The following TIAM1 variants were observed in gnomAD, a reference collection of about 807,000 sequenced individuals.
The protein encoded by TIAM1 is rho guanine nucleotide exchange factor TIAM1.
A neutral mutation model predicts 163.5 loss-of-function variants in TIAM1; 65 were observed. The ratio of observed to expected loss-of-function variants is 0.40; its 90% confidence interval spans 0.33 to 0.49. The LOEUF (loss-of-function observed/expected upper bound fraction) is 0.49. Ranked by LOEUF, TIAM1 falls within the 20% of genes least tolerant of loss-of-function variation. TIAM1 has a pLI of 0.77. For synonymous variants in TIAM1, 833 were observed against 810.1 expected (o/e 1.03, Z -0.48); for missense variants, 1,789 against 2,044.7 (o/e 0.87, Z 2.41).
chr21:31,148,413 T>C (rs1009523538), intron 19 of TIAM1, among the ~76,000 whole-genome samples: 5 of 152,188 alleles, frequency 3.3e-5, no homozygotes, highest in Admixed American at 2.0e-4. Flanking sequence ...CCATGTAAGA[T>C]GTGACTTTGC....
chr21:31,170,543 G>A (rs2084452247), intron 15 of TIAM1, among the ~76,000 whole-genome samples: 1 of 152,122 alleles, frequency 6.6e-6, no homozygotes, highest in African/African-American at 2.4e-5. Context: ...AGAAAAACAA[G>A]ATTAGGGTAC....
intron 2 of TIAM1, among the ~76,000 whole-genome samples, chr21:31,296,249 T>C (rs895660966): frequency 2.0e-5 from 3 of 152,190 alleles, no homozygotes; most frequent in Non-Finnish European, 2.9e-5. Context: ...TATTTGGATA[T>C]ACTTTTACCC....
At chr21:31,294,355 C>T (rs768179108) in intron 2 of TIAM1, among the ~76,000 whole-genome samples, 22 of 152,200 alleles carry the variant, frequency 1.4e-4, no homozygotes, top group Non-Finnish European at 2.8e-4. Context: ...TCTGAAAATA[C>T]CCATCTAGAG....
At chr21:31,155,670 AT>A (rs965685948) in intron 16 of TIAM1, among the ~76,000 whole-genome samples, 9 of 151,610 alleles carry the variant, frequency 5.9e-5, no homozygotes, top group African/African-American at 2.2e-4. Flanking sequence ...ACGCCCGGCT[AT>A]TTTTTTGTAT....
At chr21:31,548,974 A>G (rs928913827) in intron 1 of TIAM1, among the ~76,000 whole-genome samples, 5 of 152,160 alleles carry the variant, frequency 3.3e-5, no homozygotes, top group African/African-American at 1.2e-4. Flanking sequence ...CCCAGTTGAG[A>G]GCCTCTGTAT....
At chr21:31,256,654 T>C (rs1394303442) in intron 4 of TIAM1, among the ~76,000 whole-genome samples, 2 of 129,312 alleles carry the variant, frequency 1.5e-5, no homozygotes, top group Non-Finnish European at 3.3e-5. Flanking sequence ...CTCTCAGTAT[T>C]ATCTCCTTGG....
chr21:31,198,472 C>G (rs1200202875), intron 12 of TIAM1, among the ~76,000 whole-genome samples: 4 of 152,262 alleles, frequency 2.6e-5, no homozygotes, highest in African/African-American at 9.6e-5. Flanking sequence ...CATACTGATA[C>G]ATTTACAAAT....
intron 12 of TIAM1, among the ~76,000 whole-genome samples, chr21:31,196,055 G>A (rs928069538): frequency 1.3e-5 from 2 of 151,964 alleles, no homozygotes; most frequent in Non-Finnish European, 2.9e-5. Flanking sequence ...AAACTATAAG[G>A]AACTTAAATC....
intron 5 of TIAM1, among the ~76,000 whole-genome samples, chr21:31,245,934 T>C (rs1422862591): frequency 6.6e-6 from 1 of 152,158 alleles, no homozygotes; most frequent in Non-Finnish European, 1.5e-5. Context: ...TTAGAATGAT[T>C]CATTACAGGT....
chr21:31,398,834 C>G (rs1243045001), intron 2 of TIAM1, among the ~76,000 whole-genome samples: 1 of 152,176 alleles, frequency 6.6e-6, no homozygotes, highest in Non-Finnish European at 1.5e-5. Flanking sequence ...GAAATGTAAA[C>G]GTCAGCATCT....
intron 9 of TIAM1, among the ~76,000 whole-genome samples, chr21:31,215,201 A>T (rs549435284): frequency 8.5e-5 from 13 of 152,116 alleles, no homozygotes; most frequent in Non-Finnish European, 1.9e-4. Flanking sequence ...GTTTTGTTAG[A>T]AAACAAGTCC....
At chr21:31,329,302 G>C (rs571323485) in intron 2 of TIAM1, among the ~76,000 whole-genome samples, 3 of 152,360 alleles carry the variant, frequency 2.0e-5, no homozygotes, top group Admixed American at 6.5e-5. Flanking sequence ...TGAACACACA[G>C]ATGCTGACTT....
chr21:31,362,478 T>TATTATTATTATA (rs944079739), intron 2 of TIAM1, among the ~76,000 whole-genome samples: 5 of 142,780 alleles, frequency 3.5e-5, no homozygotes, highest in Admixed American at 2.1e-4. Flanking sequence ...TTATTATTAT[T>TATTATTATTATA]ATATTTGAGA....
chr21:31,311,212 T>C (rs1391843931), intron 2 of TIAM1, among the ~76,000 whole-genome samples: 2 of 151,916 alleles, frequency 1.3e-5, no homozygotes, highest in Non-Finnish European at 2.9e-5. Context: ...TTGTCAAAAT[T>C]GCTAACTCAA....
intron 1 of TIAM1, among the ~76,000 whole-genome samples, chr21:31,547,262 G>T (rs758781035): frequency 5.9e-5 from 9 of 152,146 alleles, no homozygotes; most frequent in Non-Finnish European, 1.3e-4. Flanking sequence ...ATGCTAACCG[G>T]CAACTTTTAG....
chr21:31,378,705 C>T lies in TIAM1; in HGVS notation c.-368-39283G>A, dbSNP rs182049379. ...CAATTTGGCCAAGAGAGTTGGTCTT[C>T]GGTATCCGTAGGTTCTGCACCCCTG... On this transcript the variant is annotated intron_variant, in intron 2 of 28. Transcript: ENST00000286827. 7.1e-4 allele frequency among the ~76,000 whole-genome samples: 108 copies of T among 152,236 alleles called. No individual in the cohort carries two copies. In the East Asian group the frequency reaches 0.019, roughly 26 times the overall value.
In TIAM1 at chr21:31,118,587, C is replaced by T; in HGVS notation, c.*1781G>A. The stretch of plus-strand genomic sequence containing the variant: ...AGACAATGGCACCCTCTCCAAGCAC[C>T]AGACTTCCGAGTGTTTTCAGATGGA... On this transcript the variant is annotated 3_prime_UTR_variant, in exon 28 of 28. Transcript: ENST00000541036. 2.1e-6 allele frequency: 1 copy of T among 471,696 alleles called. No homozygotes were observed. The highest frequency in any genetic ancestry group is 4.4e-6 in the Non-Finnish European group (1 of 227,194). The allele number at this position is 471,696 out of a possible 1,614,324, so 29.2% of individuals were successfully genotyped here.
At chr21:31,473,030 G>A (rs1229937587) in intron 1 of TIAM1, among the ~76,000 whole-genome samples, 1 of 152,180 alleles carries the variant, frequency 6.6e-6, no homozygotes, top group Admixed American at 6.5e-5. Flanking sequence ...TGCACGGTCT[G>A]GAGCTGGCAA....
intron 4 of TIAM1, among the ~76,000 whole-genome samples, chr21:31,264,801 G>A (rs900239132): frequency 6.6e-6 from 1 of 152,200 alleles, no homozygotes; most frequent in Non-Finnish European, 1.5e-5. Context: ...TGGGCAATCA[G>A]AGTGCTGACT....
Sources: gnomAD v4.1 joint callset for allele counts (sites outside exome capture counted in the v4.1 genomes callset) on GRCh38, gnomAD v4.1.1 for gene constraint, MANE v1.5 for transcripts, NCBI Gene and HGNC (gene_info 2026-07-23, HGNC 2026-07-21) for gene names.